The following ACACB variants were observed in gnomAD, a reference collection of about 807,000 sequenced individuals.
The protein encoded by ACACB is acetyl-CoA carboxylase 2.
A neutral mutation model predicts 278.8 loss-of-function variants in ACACB; 209 were observed. The ratio of observed to expected loss-of-function variants is 0.75; its 90% confidence interval spans 0.67 to 0.84. The LOEUF (loss-of-function observed/expected upper bound fraction) is 0.84, where lower values mean the gene tolerates loss of function less well. Ranked by LOEUF, ACACB falls within the 40% of genes least tolerant of loss-of-function variation. The pLI is 0.00. For missense variants in ACACB, 2,850 were observed against 3,269.0 expected (o/e 0.87, Z 3.13); for synonymous variants, 1,174 against 1,285.6 (o/e 0.91, Z 1.86).
At chr12:109,140,232 TTCC>T (rs1565857154) in intron 2 of ACACB, among the ~76,000 whole-genome samples, 174 bp downstream of exon 2, 1 of 129,714 alleles carries the variant, frequency 7.7e-6, no homozygotes, top group African/African-American at 2.7e-5. Context: ...CCTTCCTTCC[TTCC>T]TTCCTTCCTT....
intron 2 of ACACB, among the ~76,000 whole-genome samples, chr12:109,156,802 C>T (rs1052203784): frequency 6.6e-6 from 1 of 152,132 alleles, no homozygotes; most frequent in Non-Finnish European, 1.5e-5. Context: ...CCAGGAACTT[C>T]GGTTCCATTG....
chr12:109,232,201 G>A (rs1167004059), intron 28 of ACACB, among the ~76,000 whole-genome samples: 1 of 152,240 alleles, frequency 6.6e-6, no homozygotes, highest in Non-Finnish European at 1.5e-5. Flanking sequence ...GAGCATCGTT[G>A]TCTAAACTCC....
chr12:109,239,812 C>T lies in ACACB; in HGVS notation c.4663-18C>T. 4.4e-6 allele frequency: 7 copies of T among 1,600,798 alleles called. No homozygotes were observed. The highest frequency in any genetic ancestry group is 6.0e-6 in the Non-Finnish European group (7 of 1,173,358). On this transcript the variant is annotated intron_variant, in intron 34 of 52. Coordinates refer to ENST00000338432, the MANE Select transcript of ACACB (RefSeq NM_001093.4). ...TGCACCCCTGGCCTGAGCAGCTGCCCCTCCCACTCTTTGGCAGGAAGCCTC... is the reference window on the plus strand; with the variant it reads ...TGCACCCCTGGCCTGAGCAGCTGCCTCTCCCACTCTTTGGCAGGAAGCCTC...
At chr12:109,251,664 T>A (rs996202241) in intron 41 of ACACB, among the ~76,000 whole-genome samples, 5 of 152,194 alleles carry the variant, frequency 3.3e-5, no homozygotes, top group African/African-American at 1.2e-4. Context: ...GTTAACTCAG[T>A]ACAGACCTTA....
intron 22 of ACACB, among the ~76,000 whole-genome samples, chr12:109,215,216 GT>G (rs2045959086): frequency 1.3e-5 from 2 of 151,568 alleles, no homozygotes; most frequent in Admixed American, 6.6e-5. Flanking sequence ...GAAAAATTTT[GT>G]TTTTAACAGT....
At chr12:109,221,083 AC>A (rs1181897988) in intron 24 of ACACB, among the ~76,000 whole-genome samples, 1 of 152,178 alleles carries the variant, frequency 6.6e-6, no homozygotes, top group African/African-American at 2.4e-5. Flanking sequence ...TTATGCCACC[AC>A]CGTTTAATAA....
intron 27 of ACACB, among the ~76,000 whole-genome samples, chr12:109,226,699 C>CAAAAAA (rs531983826): frequency 1.1e-4 from 8 of 74,194 alleles, no homozygotes; most frequent in East Asian, 3.8e-4. Context: ...AACTCCATCT[C>CAAAAAA]AAAAAAAAAA....
In ACACB at chr12:109,176,233, T is replaced by C. The variant is rs2044279690; in HGVS notation, c.1407T>C (p.Ser469=). ...GGAAGGGAATCCGGAAGGCTGAGAGTGCGGAGGACTTCCCGATCCTTTTCA... is the reference window on the plus strand; with the variant it reads ...GGAAGGGAATCCGGAAGGCTGAGAGCGCGGAGGACTTCCCGATCCTTTTCA... ...GGGKGIRKAE[S]AEDFPILFRQ... The change falls in exon 9 of 53, where the codon AGT becomes AGC. Residue 469 remains serine (S), a synonymous_variant. Transcript: ENST00000338432. The C allele has an allele frequency of 2.5e-6, 4 of 1,613,996 alleles. No individual in the cohort carries two copies. Among genetic ancestry groups the C allele is most frequent in the Admixed American group, 1.7e-5 (1 of 59,986 alleles).
chr12:109,197,112 T>C lies in ACACB; in HGVS notation c.2586T>C (p.Asn862=). 1 of 1,603,370 alleles carries C rather than the reference T, an allele frequency of 6.2e-7. No individual in the cohort carries two copies. The highest frequency in any genetic ancestry group is 8.5e-7 in the Non-Finnish European group (1 of 1,175,860). ...ATGGGGGGCTCCTGCTCTCCTACAA[T>C]GGGAACAGCTACACCACCTACATGA... ...LNDGGLLLSY[N]GNSYTTYMKE... The change falls in exon 17 of 53, where the codon AAT becomes AAC. Residue 862 remains asparagine (N), a synonymous_variant. Transcript: ENST00000338432.
At chr12:109,161,751 G>GTGGT (rs1555208802) in intron 2 of ACACB, among the ~76,000 whole-genome samples, 27 of 146,346 alleles carry the variant, frequency 1.8e-4, no homozygotes, top group Admixed American at 4.8e-4. Context: ...GTGTGTGTGT[G>GTGGT]GTGTGTGTGT....
intron 2 of ACACB, among the ~76,000 whole-genome samples, chr12:109,156,425 G>C (rs2043538026): frequency 6.6e-6 from 1 of 151,922 alleles, no homozygotes; most frequent in South Asian, 2.1e-4. Context: ...CTACTGGAAA[G>C]ACTAAGGGAA....
intron 2 of ACACB, among the ~76,000 whole-genome samples, chr12:109,146,848 T>C (rs917296362): frequency 3.3e-5 from 5 of 152,028 alleles, no homozygotes; most frequent in African/African-American, 9.7e-5. Context: ...CTAATTTTTT[T>C]ATTTTTGGTA....
chr12:109,137,912 T>C (rs1397261419), intron 1 of ACACB, among the ~76,000 whole-genome samples: 4 of 148,180 alleles, frequency 2.7e-5, no homozygotes, highest in Admixed American at 2.7e-4. Flanking sequence ...TTTTTTTTTG[T>C]TTTTGAGACC....
At position 109,128,338 on chromosome 12, in the gene ACACB, T is replaced by A. The variant is rs112399081; in HGVS notation, c.-9-11059T>A. ...TAATTTTTTTGGACTTTTTTTATTT[T>A]ATTTTATTTTATTTTTTAGACGGAG... On this transcript the variant is annotated intron_variant, in intron 1 of 52. Coordinates refer to ENST00000338432, the MANE Select transcript of ACACB (RefSeq NM_001093.4). Among the ~76,000 whole-genome samples the A allele has an allele frequency of 1.9e-3, 278 of 147,018 alleles. 1 individual carries two copies. Among genetic ancestry groups the A allele is most frequent in the African/African-American group, 7.0e-3 (259 of 36,802 alleles).
At chr12:109,156,612 G>C (rs371419512) in intron 2 of ACACB, among the ~76,000 whole-genome samples, 1 of 147,838 alleles carries the variant, frequency 6.8e-6, no homozygotes, top group Non-Finnish European at 1.5e-5. Flanking sequence ...TTTGGGGGGG[G>C]GCTATTATCA....
In ACACB at chr12:109,242,603, C is replaced by T. The variant is rs751091190; in HGVS notation, c.5178+11C>T. 24 of 1,613,586 alleles carry T rather than the reference C, an allele frequency of 1.5e-5. No homozygotes were observed. The South Asian group carries it at 1.5e-4, about 10-fold the overall frequency. ...GAAATGTTCAGGCAGGCAAGTCCGG[C>T]GGCTCAGACGCGGTACCCCCTGGGT... On this transcript the variant is annotated intron_variant, in intron 37 of 52. Coordinates refer to ENST00000338432, the MANE Select transcript of ACACB (RefSeq NM_001093.4).
chr12:109,162,735 C>T (rs2043769013), intron 2 of ACACB, among the ~76,000 whole-genome samples: 1 of 152,118 alleles, frequency 6.6e-6, no homozygotes, highest in South Asian at 2.1e-4. Flanking sequence ...GAAAACTTCT[C>T]CCTGGGGAAT....
chr12:109,178,776 G>T (rs539517451), intron 9 of ACACB, among the ~76,000 whole-genome samples: 4 of 152,200 alleles, frequency 2.6e-5, no homozygotes, highest in Admixed American at 2.0e-4. Flanking sequence ...ATAGGGTGGT[G>T]CTGGAGGAGG....
At chr12:109,264,785 A>C (rs748970292) in intron 50 of ACACB, among the ~76,000 whole-genome samples, 2 of 151,928 alleles carry the variant, frequency 1.3e-5, no homozygotes, top group Non-Finnish European at 2.9e-5. Flanking sequence ...TCCAGTGCTC[A>C]TTGGTTCTCT....
Sources: allele counts gnomAD v4.1 joint callset (sites outside exome capture counted in the v4.1 genomes callset), GRCh38; gene constraint gnomAD v4.1.1; transcripts MANE v1.5; gene names NCBI Gene and HGNC (gene_info 2026-07-23, HGNC 2026-07-21).